RPS6KL1: variants seen among roughly 807,000 people sequenced by gnomAD.
RPS6KL1 encodes ribosomal protein S6 kinase-like 1.
In RPS6KL1, 41 loss-of-function variants were observed where a neutral mutation model predicts 57.0. The ratio of observed to expected loss-of-function variants is 0.72; its 90% CI spans 0.56 to 0.93. The LOEUF (loss-of-function observed/expected upper bound fraction) is 0.93, where lower values mean the gene tolerates loss of function less well. Ranked by LOEUF, RPS6KL1 falls within the 40% of genes least tolerant of loss-of-function variation. The probability of loss-of-function intolerance (pLI) is 0.00; values close to 1 mark genes in which losing one functional copy is unlikely to be tolerated. For missense variants in RPS6KL1, 697 were observed against 727.7 expected (o/e 0.96, Z 0.49); for synonymous variants, 287 against 309.7 (o/e 0.93, Z 0.77).
rs1887240924 is a variant in RPS6KL1, at chr14:74,918,497, G to C, written c.483+16C>G. The C allele has an allele frequency of 2.0e-6, 3 of 1,510,056 alleles. No individual in the cohort carries two copies. The highest frequency in any genetic ancestry group is 2.7e-6 in the Non-Finnish European group (3 of 1,127,992). 93.5% of individuals were successfully genotyped at this position (1,510,056 alleles called of 1,614,324 possible). On this transcript the variant is annotated intron_variant, in intron 5 of 11. Transcript: ENST00000557413. ...ACACTGTCTCCCTCCTGCAAGGCGA[G>C]TGTCCACTCACTCACCTTCTCGATG... is the stretch of plus-strand genomic sequence containing the variant.
At chr14:74,911,077 G>A (rs1273760796) in intron 7 of RPS6KL1, 171 bp downstream of exon 7, 4 of 602,106 alleles carry the variant, frequency 6.6e-6, no homozygotes, top group South Asian at 5.1e-5. Context: ...TCACTATGTT[G>A]GCCAGGCTGG....
rs769011704 is a variant in RPS6KL1 at position 74,906,699 on chromosome 14, G to A, written c.*315C>T. The A allele has an allele frequency of 2.8e-5, 15 of 545,108 alleles. No individual in the cohort carries two copies. The highest frequency in any genetic ancestry group is 1.5e-4 in the African/African-American group (8 of 53,314). The allele number at this position is 545,108 out of a possible 1,614,324, so 33.8% of individuals were successfully genotyped here. ...TGCAGCAGGTGGTCAACAGCTCAGC[G>A]CCAGTGCCACAGAAGGCAACCTTTA... On this transcript the variant is annotated 3_prime_UTR_variant, in exon 12 of 12. Coordinates refer to ENST00000557413, the MANE Select transcript of RPS6KL1 (RefSeq NM_031464.5).
At chr14:74,911,415 C>A in intron 6 of RPS6KL1, 35 bp from the exon 7 acceptor site, 1 of 1,590,930 alleles carries the variant, frequency 6.3e-7, no homozygotes. Context: ...CAGCCGGGGA[C>A]AGGCCAGAGA....
rs1884424139 is a variant in RPS6KL1 at position 74,904,050 on chromosome 14, G to GTCTGGCTACAACT, written c.*2951_*2963dup. 1 of 152,186 alleles carries GTCTGGCTACAACT rather than the reference G, an allele frequency of 6.6e-6. No homozygotes were observed. The highest frequency in any genetic ancestry group is 1.9e-4 in the East Asian group (1 of 5,200). The allele number at this position is 152,186 out of a possible 1,614,324, so 9.4% of individuals were successfully genotyped here. A position where few individuals can be genotyped will look rare whatever the true frequency, so the allele number is the denominator to read the frequency against. ...ATCCTGAGAACATGTGTCCAGGGTC[G>GTCTGGCTACAACT]TCTGGCTACAACTTAGTTTTATACA... On this transcript the variant is annotated 3_prime_UTR_variant, in exon 12 of 12. Coordinates refer to ENST00000557413, the MANE Select transcript of RPS6KL1 (RefSeq NM_031464.5).
At chr14:74,916,651 A>T (rs1886893576) in intron 5 of RPS6KL1, among the ~76,000 whole-genome samples, 2 of 152,104 alleles carry the variant, frequency 1.3e-5, no homozygotes, top group Non-Finnish European at 2.9e-5. Flanking sequence ...ACTGCACTCC[A>T]GCCTGAGCTA....
At chr14:74,912,899 G>A (rs557547266) in intron 5 of RPS6KL1, among the ~76,000 whole-genome samples, 2 of 152,356 alleles carry the variant, frequency 1.3e-5, no homozygotes, top group South Asian at 4.1e-4. Flanking sequence ...CTGCATGGTG[G>A]GCAGGGGCGG....
chr14:74,921,238 T>TGGCCCCCCCCCCCCC, intron 3 of RPS6KL1, 39 bp downstream of exon 3: 5 of 840,174 alleles, frequency 6.0e-6, no homozygotes, highest in Non-Finnish European at 4.1e-6. Context: ...CACTGGCCCT[T>TGGCCCCCCCCCCCCC]CCCCACCCAC....
chr14:74,910,061 G>A lies in RPS6KL1; in HGVS notation c.752C>T (p.Ala251Val). 2 of 1,611,436 alleles carry A rather than the reference G, an allele frequency of 1.2e-6. No homozygotes were observed. Among genetic ancestry groups the A allele is most frequent in the Non-Finnish European group, 1.7e-6 (2 of 1,179,200 alleles). ...GAGGTTGAGGTGGGGGTTGAGCTGA[G>A]CCTTCATCCTCTCCTGGGTAGAGCC... ...SSGSTQERMK[A>V]QLNPHLNLLT... is the part of the protein sequence containing the mutation. The change falls in exon 8 of 12, where the codon GCT becomes GTT. Residue 251 changes from alanine to valine, a missense_variant. Ala to Val is a moderately conservative substitution (Grantham distance 64). Coordinates refer to ENST00000557413, the MANE Select transcript of RPS6KL1 (RefSeq NM_031464.5).
chr14:74,907,495 G>A lies in RPS6KL1; in HGVS notation c.1479C>T (p.Ala493=). 1 of 1,585,690 alleles carries A rather than the reference G, an allele frequency of 6.3e-7. No individual in the cohort carries two copies. Among genetic ancestry groups the A allele is most frequent in the Non-Finnish European group, 8.6e-7 (1 of 1,165,972 alleles). Residue 493 remains alanine (A), a synonymous_variant, in exon 11 of 12, where the codon GCC becomes GCT. Transcript: ENST00000557413. ...ACTCGGGCAGCTGGAGCTGGGTGTG[G>A]GCCTGGATTCCTGAAGGGTGGCTCT... ...LSQSHPSGIQ[A]HTQLQLPEWL...
intron 5 of RPS6KL1, among the ~76,000 whole-genome samples, chr14:74,917,046 C>T (rs548346626): frequency 4.6e-5 from 7 of 152,278 alleles, no homozygotes; most frequent in African/African-American, 7.2e-5. Context: ...GGGAGGGGAC[C>T]GTGGCAGATG....
chr14:74,922,695 G>A (rs553828619), intron 1 of RPS6KL1, among the ~76,000 whole-genome samples: 55 of 152,338 alleles, frequency 3.6e-4, no homozygotes, highest in African/African-American at 1.3e-3. Context: ...CCGTGGCTGC[G>A]GGAAGGGAAG....
chr14:74,912,354 C>T (rs1886154463), intron 5 of RPS6KL1, among the ~76,000 whole-genome samples: 1 of 151,658 alleles, frequency 6.6e-6, no homozygotes, highest in South Asian at 2.1e-4. Flanking sequence ...GCTGAGAAGC[C>T]CTGTTCCACC....
chr14:74,920,385 G>A (rs552704572), intron 3 of RPS6KL1, among the ~76,000 whole-genome samples: 7 of 152,278 alleles, frequency 4.6e-5, no homozygotes, highest in Middle Eastern at 3.4e-3. Flanking sequence ...GACCAGGATC[G>A]GGGGATAAAG....
chr14:74,909,065 G>A (rs1321933125), intron 9 of RPS6KL1, 36 bp downstream of exon 9: 1 of 1,605,272 alleles, frequency 6.2e-7, no homozygotes, highest in Non-Finnish European at 8.5e-7. Context: ...AAGGCACCCA[G>A]GTGCTAAGGC....
intron 5 of RPS6KL1, among the ~76,000 whole-genome samples, chr14:74,914,978 T>C (rs1447727087): frequency 6.6e-6 from 1 of 152,204 alleles, no homozygotes; most frequent in East Asian, 1.9e-4. Flanking sequence ...CCCCAAAGTG[T>C]TGGGATTATG....
chr14:74,915,883 T>A (rs936008344), intron 5 of RPS6KL1, among the ~76,000 whole-genome samples: 3 of 152,200 alleles, frequency 2.0e-5, no homozygotes, highest in Admixed American at 6.5e-5. Context: ...ACCTTCTTTT[T>A]CTTCCTCCAC....
Position 74,907,499 on chromosome 14 carries a change from T to G in RPS6KL1, c.1475A>C (p.Gln492Pro). The G allele has an allele frequency of 6.3e-7, 1 of 1,584,284 alleles. No homozygotes were observed. The highest frequency in any genetic ancestry group is 1.2e-5 in the South Asian group (1 of 86,438). ...GGGCAGCTGGAGCTGGGTGTGGGCCTGGATTCCTGAAGGGTGGCTCTGGGA... is the reference window on the plus strand; with the variant it reads ...GGGCAGCTGGAGCTGGGTGTGGGCCGGGATTCCTGAAGGGTGGCTCTGGGA... ...ALSQSHPSGIQAHTQLQLPEW... is the reference protein window; with the variant it reads ...ALSQSHPSGIPAHTQLQLPEW... Residue 492 changes from glutamine (Q) to proline (P), a missense_variant, in exon 11 of 12, where the codon CAG becomes CCG. Transcript: ENST00000557413.
Position 74,906,806 on chromosome 14 carries a change from GC to G in RPS6KL1, c.*207del. 1 of 707,522 alleles carries G rather than the reference GC, an allele frequency of 1.4e-6. No homozygotes were observed. 43.8% of individuals were successfully genotyped at this position (707,522 alleles called of 1,614,324 possible). A position where few individuals can be genotyped will look rare whatever the true frequency, so the allele number is the denominator to read the frequency against. On this transcript the variant is annotated 3_prime_UTR_variant, in exon 12 of 12. Transcript: ENST00000557413. ...CTGCTTAGCAGGGCAAGCCTTGACT[GC>G]CCCCACCTCCAGCTTTTCCAGGAGC...
At chr14:74,910,870 CTTTTTT>C (rs5809683) in intron 7 of RPS6KL1, 50 of 155,822 alleles carry the variant, frequency 3.2e-4, no homozygotes, top group South Asian at 1.0e-3. Context: ...CAGGGCTCAG[CTTTTTT>C]TTTTTTTTTT....
Sources: allele counts gnomAD v4.1 joint callset (sites outside exome capture counted in the v4.1 genomes callset), GRCh38; gene constraint gnomAD v4.1.1; transcripts MANE v1.5; gene names NCBI Gene and HGNC (gene_info 2026-07-23, HGNC 2026-07-21).